PASK: variants seen among roughly 807,000 people sequenced by gnomAD.
PASK encodes PAS domain containing serine/threonine kinase.
In PASK, 110 loss-of-function variants were observed where a neutral mutation model predicts 121.0. The ratio of observed to expected loss-of-function variants is 0.91; its 90% CI spans 0.78 to 1.06. PASK has a LOEUF of 1.06. Among genes scored for constraint, PASK ranks in the 50% least tolerant of loss-of-function variants. PASK has a pLI of 0.00. For synonymous variants in PASK, 686 were observed against 717.8 expected (o/e 0.96, Z 0.71); for missense variants, 1,643 against 1,702.3 (o/e 0.97, Z 0.61).
At chr2:241,120,544 G>A (rs2065563744) in intron 12 of PASK, among the ~76,000 whole-genome samples, 1 of 152,004 alleles carries the variant, frequency 6.6e-6, no homozygotes, top group African/African-American at 2.4e-5. Context: ...CTCCAAAGAA[G>A]ATTTACAAAC....
At chr2:241,144,296 T>A (rs905974402) in intron 1 of PASK, among the ~76,000 whole-genome samples, 1 of 152,162 alleles carries the variant, frequency 6.6e-6, no homozygotes, top group African/African-American at 2.4e-5. Flanking sequence ...CATTTACCAA[T>A]ACCCTGTCCT....
intron 12 of PASK, among the ~76,000 whole-genome samples, chr2:241,120,161 C>A (rs2065543569): frequency 6.6e-6 from 1 of 152,158 alleles, no homozygotes; most frequent in Non-Finnish European, 1.5e-5. Context: ...AGAACTCATA[C>A]AATTTAATAA....
At chr2:241,113,866 G>T (rs1028719389) in intron 14 of PASK, 16 of 985,284 alleles carry the variant, frequency 1.6e-5, no homozygotes, top group Non-Finnish European at 4.8e-6. Flanking sequence ...GCAATGCCCT[G>T]AGAACCAGCA....
intron 14 of PASK, chr2:241,114,418 TG>T (rs1223887699): frequency 2.0e-6 from 2 of 986,664 alleles, no homozygotes; most frequent in African/African-American, 3.5e-5. Context: ...CTGGGGGAGC[TG>T]GGAGCAGTAC....
At chr2:241,141,367 G>A (rs1190110574) in intron 2 of PASK, among the ~76,000 whole-genome samples, 1 of 152,112 alleles carries the variant, frequency 6.6e-6, no homozygotes, top group Non-Finnish European at 1.5e-5. Context: ...AGACCCCATG[G>A]CCACTCCGGT....
chr2:241,134,939 G>A (rs1559389579), intron 8 of PASK, among the ~76,000 whole-genome samples: 1 of 152,204 alleles, frequency 6.6e-6, no homozygotes, highest in Non-Finnish European at 1.5e-5. Context: ...CCCCACCAGG[G>A]CAGAGCCAGG....
rs1410076407 is a variant in PASK at position 241,126,460 on chromosome 2, C to T, written c.2455G>A (p.Gly819Arg). 1 of 1,614,090 alleles carries T rather than the reference C, an allele frequency of 6.2e-7. No homozygotes were observed. Among genetic ancestry groups the T allele is most frequent in the East Asian group, 2.2e-5 (1 of 44,900 alleles). Reference protein sequence around the residue: ...QGRRFRESCVGHDPTEPLEVC... With the variant: ...QGRRFRESCVRHDPTEPLEVC... The stretch of plus-strand genomic sequence containing the variant: ...TCAAGCGGTTCTGTTGGATCATGTC[C>T]CACACAGCTCTCCCGGAACCGTCGG... The change falls in exon 10 of 18, where the codon GGA (glycine) becomes AGA (arginine). Residue 819 changes from glycine to arginine, a missense_variant. By Grantham distance (125) the Gly-to-Arg change is moderately radical. Transcript: ENST00000234040.
chr2:241,135,643 G>C (rs1257162220), intron 8 of PASK, among the ~76,000 whole-genome samples: 1 of 151,906 alleles, frequency 6.6e-6, no homozygotes, highest in Non-Finnish European at 1.5e-5. Flanking sequence ...CTCTTGGGGG[G>C]TTTTCTATTC....
intron 7 of PASK, among the ~76,000 whole-genome samples, chr2:241,136,627 T>C (rs1018666346): frequency 6.6e-6 from 1 of 152,086 alleles, no homozygotes; most frequent in Non-Finnish European, 1.5e-5. Flanking sequence ...GGAAGAACAC[T>C]AACTGCTTTT....
In PASK at chr2:241,135,929, C is replaced by T. The variant is rs1433077477; in HGVS notation, c.1248G>A (p.Gly416=). The T allele has an allele frequency of 6.2e-7, 1 of 1,614,114 alleles. No homozygotes were observed. The highest frequency in any genetic ancestry group is 1.3e-5 in the African/African-American group (1 of 74,952). Residue 416 remains glycine (G), a synonymous_variant, in exon 8 of 18, where the codon GGG becomes GGA. Transcript: ENST00000234040. ...ASCLDVGNES[G]CGERTLDPWQ... is the part of the protein sequence containing the mutation. ...ACGGGTCCAAGGTTCTCTCCCCACA[C>T]CCACTCTCATTGCCGACGTCCAGGC...
chr2:241,145,208 C>T (rs1007751192), intron 1 of PASK, among the ~76,000 whole-genome samples: 6 of 152,142 alleles, frequency 3.9e-5, no homozygotes, highest in African/African-American at 1.4e-4. Flanking sequence ...CCACCGCGCC[C>T]GGCCGACTTC....
intron 1 of PASK, among the ~76,000 whole-genome samples, chr2:241,148,307 C>T (rs1429984665): frequency 6.6e-6 from 1 of 152,120 alleles, no homozygotes; most frequent in African/African-American, 2.4e-5. Flanking sequence ...AGCAACTGTC[C>T]CCCTCCCACC....
intron 5 of PASK, among the ~76,000 whole-genome samples, 187 bp downstream of exon 5, chr2:241,138,467 T>C (rs968432430): frequency 6.6e-6 from 1 of 152,230 alleles, no homozygotes; most frequent in Non-Finnish European, 1.5e-5. Flanking sequence ...GGTGAGGAAC[T>C]GAAGTATAGG....
intron 3 of PASK, 38 bp downstream of exon 3, chr2:241,140,483 C>A (rs770985010): frequency 1.0e-5 from 14 of 1,388,888 alleles, no homozygotes; most frequent in Admixed American, 3.7e-5. Context: ...ACCACAAATC[C>A]ACATCTACAC....
intron 9 of PASK, among the ~76,000 whole-genome samples, chr2:241,128,989 G>A (rs944894294): frequency 4.0e-5 from 6 of 150,482 alleles, no homozygotes; most frequent in South Asian, 2.1e-4. Flanking sequence ...GAGGGTCTGC[G>A]TCTGCCTGCC....
At chr2:241,125,554 C>T (rs1054354368) in intron 10 of PASK, among the ~76,000 whole-genome samples, 6 of 146,664 alleles carry the variant, frequency 4.1e-5, no homozygotes, top group Admixed American at 2.8e-4. Flanking sequence ...AAGCTGAGAT[C>T]GCGCTACTGC....
At chr2:241,123,456 G>A (rs2065715616) in intron 11 of PASK, among the ~76,000 whole-genome samples, 1 of 152,020 alleles carries the variant, frequency 6.6e-6, no homozygotes, top group Non-Finnish European at 1.5e-5. Flanking sequence ...GGGATTACAG[G>A]CTTGAGCCAC....
chr2:241,145,353 G>A (rs945362760), intron 1 of PASK, among the ~76,000 whole-genome samples: 1 of 152,034 alleles, frequency 6.6e-6, no homozygotes, highest in East Asian at 1.9e-4. Flanking sequence ...GGCAGGTCTC[G>A]TGGCCTGCAC....
intron 12 of PASK, among the ~76,000 whole-genome samples, chr2:241,120,927 C>T (rs1057423361): frequency 1.3e-5 from 2 of 152,156 alleles, no homozygotes; most frequent in African/African-American, 2.4e-5. Flanking sequence ...CACAAATGTC[C>T]ATCAGCTGAT....
Sources: gnomAD v4.1 joint callset for allele counts (sites outside exome capture counted in the v4.1 genomes callset) on GRCh38, gnomAD v4.1.1 for gene constraint, MANE v1.5 for transcripts, NCBI Gene and HGNC (gene_info 2026-07-23, HGNC 2026-07-21) for gene names.